The following EPHA6 variants were observed in gnomAD, a reference collection of about 807,000 sequenced individuals.
EPHA6 encodes EPH receptor A6.
Under a neutral mutation model 112.0 loss-of-function variants are expected in EPHA6, and 50 were observed. The observed-to-expected ratio is 0.45, with a 90% confidence interval of 0.36 to 0.56. EPHA6 has a LOEUF of 0.56. EPHA6 is among the 20% of genes least tolerant of loss of function. The pLI, the probability that EPHA6 is intolerant of heterozygous loss-of-function variation, is 0.00. For missense variants in EPHA6, 1,280 were observed against 1,417.4 expected, an observed-to-expected ratio of 0.90 and a Z score of 1.56; for synonymous variants, 529 against 490.7, an observed-to-expected ratio of 1.08 and a Z score of -1.03.
chr3:97,550,574 C>T (rs2093015951), intron 11 of EPHA6, among the ~76,000 whole-genome samples: 1 of 152,152 alleles, frequency 6.6e-6, no homozygotes, highest in Non-Finnish European at 1.5e-5. Context: ...CCAAGGAAAA[C>T]ACTGGGAAGA....
intron 10 of EPHA6, among the ~76,000 whole-genome samples, chr3:97,507,124 G>C (rs2092269201): frequency 6.6e-6 from 1 of 152,150 alleles, no homozygotes; most frequent in African/African-American, 2.4e-5. Flanking sequence ...GAGACAGTTT[G>C]ACTTCCTCTC....
chr3:97,341,794 G>A (rs1419940783), intron 5 of EPHA6, among the ~76,000 whole-genome samples: 4 of 151,986 alleles, frequency 2.6e-5, no homozygotes, highest in South Asian at 2.1e-4. Flanking sequence ...CTTTCTCAAC[G>A]TACCTTTCCG....
chr3:97,583,993 G>T (rs2093465684), intron 11 of EPHA6, among the ~76,000 whole-genome samples: 1 of 152,062 alleles, frequency 6.6e-6, no homozygotes, highest in Non-Finnish European at 1.5e-5. Flanking sequence ...AATTTAGTCT[G>T]CCCCGATCCC....
rs867001092 is a variant in EPHA6, at chr3:97,158,908, G to A, written c.1115-67356G>A. ...AATTTCTTTGTGGGCAAAATATGGG[G>A]GAGGCGTGTAGCTTTTTATGTTGTA... On this transcript the variant is annotated intron_variant, in intron 3 of 17. Coordinates refer to ENST00000389672, the MANE Select transcript of EPHA6 (RefSeq NM_001080448.3). Among the ~76,000 whole-genome samples, 4 of 152,208 alleles carry A rather than the reference G, an allele frequency of 2.6e-5. 1 individual carries two copies. Among genetic ancestry groups the A allele is most frequent in the Middle Eastern group, 6.8e-3 (2 of 294 alleles).
chr3:97,203,100 A>G (rs2077621611), intron 3 of EPHA6, among the ~76,000 whole-genome samples: 1 of 152,110 alleles, frequency 6.6e-6, no homozygotes, highest in Middle Eastern at 3.2e-3. Context: ...TCTAAGTTTA[A>G]TGCCATCAAT....
intron 3 of EPHA6, among the ~76,000 whole-genome samples, chr3:97,044,772 T>A (rs1418992833): frequency 1.3e-5 from 2 of 152,116 alleles, no homozygotes; most frequent in Non-Finnish European, 2.9e-5. Flanking sequence ...CTTCTGACTT[T>A]CAAATAATAA....
intron 5 of EPHA6, among the ~76,000 whole-genome samples, chr3:97,387,270 A>G (rs78896922): frequency 3.3e-5 from 5 of 151,512 alleles, no homozygotes; most frequent in Non-Finnish European, 5.9e-5. Flanking sequence ...TGGGACTGCA[A>G]ATTTTCCCAA....
chr3:97,271,328 T>C (rs1005797841), intron 5 of EPHA6, among the ~76,000 whole-genome samples: 1 of 152,260 alleles, frequency 6.6e-6, no homozygotes, highest in African/African-American at 2.4e-5. Flanking sequence ...TTAAATGGTA[T>C]TTTACTGTCC....
intron 1 of EPHA6, among the ~76,000 whole-genome samples, chr3:96,854,629 GA>G (rs1438191840): frequency 2.0e-5 from 3 of 152,066 alleles, no homozygotes; most frequent in African/African-American, 7.2e-5. Flanking sequence ...TGTAAAAAAA[GA>G]AATATACATT....
At chr3:96,846,803 A>C (rs1273242069) in intron 1 of EPHA6, among the ~76,000 whole-genome samples, 1 of 152,022 alleles carries the variant, frequency 6.6e-6, no homozygotes, top group African/African-American at 2.4e-5. Flanking sequence ...CCTTTACTCT[A>C]TCTTGTCTTG....
At position 97,441,503 on chromosome 3, in the gene EPHA6, A is replaced by G. The variant is rs559323190; in HGVS notation, c.1732-7065A>G. ...TCAGACATAATTATATTTAACCATA[A>G]CACAATTAGAATCTGTTTGATTAAA... On this transcript the variant is annotated intron_variant, in intron 6 of 17. Coordinates refer to ENST00000389672, the MANE Select transcript of EPHA6 (RefSeq NM_001080448.3). The G allele has an allele frequency of 2.9e-5, 24 of 820,894 alleles. No homozygotes were observed. The South Asian group carries it at 9.5e-4, about 32-fold the overall frequency. The allele number at this position is 820,894 out of a possible 1,614,324, so 50.9% of individuals were successfully genotyped here.
At chr3:96,900,535 T>C (rs931856276) in intron 2 of EPHA6, among the ~76,000 whole-genome samples, 4 of 152,160 alleles carry the variant, frequency 2.6e-5, no homozygotes, top group African/African-American at 9.7e-5. Flanking sequence ...CACCCATGGA[T>C]AGGGAGGGCC....
rs2082904526 is a variant in EPHA6, at chr3:97,333,475, T to TC, written c.1607-71675_1607-71674insC. ...ACACTCTGTATGGCTTTTCTTTTTT[T>TC]TTTTTTTTTTTTTTTTGAGACAGTG... On this transcript the variant is annotated intron_variant, in intron 5 of 17. Coordinates refer to ENST00000389672, the MANE Select transcript of EPHA6 (RefSeq NM_001080448.3). Among the ~76,000 whole-genome samples, 7 of 140,842 alleles carry TC rather than the reference T, an allele frequency of 5.0e-5. No individual in the cohort carries two copies. The South Asian group carries it at 1.4e-3, about 28-fold the overall frequency. 92.4% of individuals were successfully genotyped at this position (140,842 alleles called of 152,430 possible).
At chr3:97,103,082 T>C (rs2047452379) in intron 3 of EPHA6, among the ~76,000 whole-genome samples, 1 of 152,168 alleles carries the variant, frequency 6.6e-6, no homozygotes, top group Non-Finnish European at 1.5e-5. Context: ...GTAGGTTGTC[T>C]GTTTACTTAC....
chr3:97,662,533 T>A (rs1251660857), intron 14 of EPHA6, among the ~76,000 whole-genome samples: 1 of 152,098 alleles, frequency 6.6e-6, no homozygotes, highest in Non-Finnish European at 1.5e-5. Flanking sequence ...CCAGTTCATC[T>A]CCCAGCTCAA....
chr3:97,119,713 C>T (rs1559740213), intron 3 of EPHA6, among the ~76,000 whole-genome samples: 1 of 151,898 alleles, frequency 6.6e-6, no homozygotes, highest in African/African-American at 2.4e-5. Flanking sequence ...TCTGAACTTA[C>T]GGAAAAGGCA....
chr3:97,083,993 G>A (rs1201690178), intron 3 of EPHA6, among the ~76,000 whole-genome samples: 1 of 150,762 alleles, frequency 6.6e-6, no homozygotes, highest in Non-Finnish European at 1.5e-5. Context: ...AGTACAGTGA[G>A]TTAGCAGATG....
chr3:97,517,437 G>A lies in EPHA6; in HGVS notation c.2201-14921G>A, dbSNP rs577262796. On this transcript the variant is annotated intron_variant, in intron 10 of 17. Transcript: ENST00000389672. Reference sequence around the variant, plus strand: ...AGTAAAGGCAATTCTATGATTAGACGTCTGGGTTTTTTTTTCTTTTTCATA... The same window carrying A: ...AGTAAAGGCAATTCTATGATTAGACATCTGGGTTTTTTTTTCTTTTTCATA... Among the ~76,000 whole-genome samples the A allele has an allele frequency of 3.3e-5, 5 of 152,038 alleles. No homozygotes were observed. In the South Asian group the frequency reaches 6.2e-4, roughly 19 times the overall value.
At chr3:97,685,732 A>C (rs2032196563) in intron 14 of EPHA6, among the ~76,000 whole-genome samples, 1 of 152,156 alleles carries the variant, frequency 6.6e-6, no homozygotes, top group South Asian at 2.1e-4. Context: ...CAATCCCTCC[A>C]TTTACTCAGA....
Sources: allele counts gnomAD v4.1 joint callset (sites outside exome capture counted in the v4.1 genomes callset), GRCh38; gene constraint gnomAD v4.1.1; transcripts MANE v1.5; gene names NCBI Gene and HGNC (gene_info 2026-07-23, HGNC 2026-07-21).